Variants in MALRD1 observed in about 807,000 individuals in gnomAD.
MALRD1 encodes the protein MAM and LDL-receptor class A domain-containing protein 1.
In MALRD1, 247 loss-of-function variants were observed where a neutral mutation model predicts 242.1. That is an observed-to-expected ratio of 1.02 (90% CI 0.92 to 1.13). The LOEUF is 1.13. MALRD1 is among the 50% of genes most tolerant of loss of function. The probability of loss-of-function intolerance (pLI) is 0.00; values close to 1 mark genes in which losing one functional copy is unlikely to be tolerated. For missense variants in MALRD1, 2,989 were observed against 2,533.1 expected (o/e 1.18, Z -3.86); for synonymous variants, 995 against 866.6 (o/e 1.15, Z -2.60).
At chr10:19,113,818 C>CACACACACACACAG (rs766418681) in intron 5 of MALRD1, among the ~76,000 whole-genome samples, 4 of 147,394 alleles carry the variant, frequency 2.7e-5, no homozygotes, top group Admixed American at 6.8e-5. Context: ...CACACACACA[C>CACACACACACACAG]ACACACACAC....
rs1243242450 is a variant in MALRD1 at position 19,108,706 on chromosome 10, C to T, written c.694+4631C>T. Reference sequence around the variant, plus strand: ...TGCTGGGATTACAGGCGTGAGCCACCGCGCCCGGCCGTTTTTTCTAATTTT... The same window carrying T: ...TGCTGGGATTACAGGCGTGAGCCACTGCGCCCGGCCGTTTTTTCTAATTTT... On this transcript the variant is annotated intron_variant, in intron 5 of 39. Transcript: ENST00000454679. Among the ~76,000 whole-genome samples the T allele has an allele frequency of 7.5e-5, 2 of 26,718 alleles. 1 individual carries two copies. The highest frequency in any genetic ancestry group is 1.2e-4 in the Non-Finnish European group (2 of 16,326). 17.5% of individuals were successfully genotyped at this position (26,718 alleles called of 152,430 possible). A position where few individuals can be genotyped will look rare whatever the true frequency, so the allele number is the denominator to read the frequency against.
chr10:19,189,052 G>C (rs1835862172), intron 14 of MALRD1, among the ~76,000 whole-genome samples: 1 of 152,074 alleles, frequency 6.6e-6, no homozygotes, highest in Non-Finnish European at 1.5e-5. Context: ...GAAAGGGAGA[G>C]AGACAGAGAG....
chr10:19,455,369 G>A (rs1027548058), intron 29 of MALRD1, among the ~76,000 whole-genome samples: 1 of 152,082 alleles, frequency 6.6e-6, no homozygotes, highest in Admixed American at 6.5e-5. Flanking sequence ...TGATACTCAG[G>A]GAGCTTACTA....
At chr10:19,065,425 G>A (rs957905762) in intron 1 of MALRD1, among the ~76,000 whole-genome samples, 7 of 152,110 alleles carry the variant, frequency 4.6e-5, no homozygotes, top group Non-Finnish European at 7.3e-5. Flanking sequence ...GCACTAGTGG[G>A]AGTGTCTTAT....
intron 2 of MALRD1, among the ~76,000 whole-genome samples, chr10:19,086,979 G>C (rs554980147): frequency 6.6e-6 from 1 of 152,164 alleles, no homozygotes; most frequent in African/African-American, 2.4e-5. Flanking sequence ...AAAGAGAAAG[G>C]AATGTGCTTA....
chr10:19,094,662 T>A (rs1311209132), intron 4 of MALRD1, among the ~76,000 whole-genome samples: 1 of 152,208 alleles, frequency 6.6e-6, no homozygotes, highest in Non-Finnish European at 1.5e-5. Context: ...CAGACTTTTC[T>A]CATGCTTTTG....
At chr10:19,311,691 A>C (rs1445624789) in intron 21 of MALRD1, among the ~76,000 whole-genome samples, 1 of 151,514 alleles carries the variant, frequency 6.6e-6, no homozygotes, top group East Asian at 1.9e-4. Flanking sequence ...AAATGCAATG[A>C]TATAATTTTA....
intron 31 of MALRD1, among the ~76,000 whole-genome samples, chr10:19,500,591 A>C (rs937231128): frequency 2.6e-5 from 4 of 152,170 alleles, no homozygotes; most frequent in African/African-American, 9.7e-5. Flanking sequence ...ATATTTTAAA[A>C]CCTCCTAAAC....
intron 26 of MALRD1, among the ~76,000 whole-genome samples, chr10:19,372,533 A>G (rs947643377): frequency 6.6e-6 from 1 of 151,858 alleles, no homozygotes; most frequent in Non-Finnish European, 1.5e-5. Flanking sequence ...TAGTGGTGCA[A>G]TCTCGGCTCA....
chr10:19,316,432 G>C (rs1242289316), intron 21 of MALRD1, among the ~76,000 whole-genome samples: 1 of 151,850 alleles, frequency 6.6e-6, no homozygotes, highest in Non-Finnish European at 1.5e-5. Flanking sequence ...CCAAACTCTG[G>C]GGAGTCAGCC....
At chr10:19,366,734 A>G (rs1845127399) in intron 26 of MALRD1, among the ~76,000 whole-genome samples, 1 of 152,156 alleles carries the variant, frequency 6.6e-6, no homozygotes, top group Non-Finnish European at 1.5e-5. Flanking sequence ...GTGAAAATGT[A>G]TATACACATC....
intron 21 of MALRD1, among the ~76,000 whole-genome samples, chr10:19,294,801 T>C (rs575229706): frequency 6.6e-6 from 1 of 152,206 alleles, no homozygotes; most frequent in South Asian, 2.1e-4. Context: ...TTTTTCACTA[T>C]GGAAAGAAAA....
intron 32 of MALRD1, among the ~76,000 whole-genome samples, chr10:19,536,036 C>T (rs1318211379): frequency 2.6e-5 from 4 of 152,168 alleles, no homozygotes; most frequent in Non-Finnish European, 4.4e-5. Context: ...GAGTATGTCT[C>T]CTTGTCAGCG....
At chr10:19,461,131 A>G (rs565210325) in intron 29 of MALRD1, among the ~76,000 whole-genome samples, 1 of 152,294 alleles carries the variant, frequency 6.6e-6, no homozygotes, top group African/African-American at 2.4e-5. Context: ...AGATATTGAA[A>G]AATCAATGGG....
intron 26 of MALRD1, among the ~76,000 whole-genome samples, chr10:19,385,963 G>C (rs956806282): frequency 6.6e-6 from 1 of 151,912 alleles, no homozygotes; most frequent in Non-Finnish European, 1.5e-5. Flanking sequence ...AAAAAATTTT[G>C]TCATAGACAG....
At chr10:19,198,107 A>G (rs2131600449) in intron 14 of MALRD1, among the ~76,000 whole-genome samples, 1 of 152,250 alleles carries the variant, frequency 6.6e-6, no homozygotes, top group East Asian at 1.9e-4. Flanking sequence ...GCTCACTGCA[A>G]AGTGGTAGTA....
intron 20 of MALRD1, among the ~76,000 whole-genome samples, chr10:19,282,456 A>G (rs144494499): frequency 2.0e-4 from 31 of 152,314 alleles, no homozygotes; most frequent in African/African-American, 7.5e-4. Flanking sequence ...TAGACACATG[A>G]ACACATTCGG....
At chr10:19,116,169 GAAC>G (rs1384223832) in intron 5 of MALRD1, among the ~76,000 whole-genome samples, 2 of 152,010 alleles carry the variant, frequency 1.3e-5, no homozygotes, top group Non-Finnish European at 1.5e-5. Flanking sequence ...GATTAAATAA[GAAC>G]ATGTTTAATC....
chr10:19,204,284 T>TA, intron 15 of MALRD1, 24 bp from the exon 16 acceptor site: 1 of 1,243,466 alleles, frequency 8.0e-7, no homozygotes, highest in South Asian at 1.6e-5. Context: ...ATGAAGCGTT[T>TA]TTTTTTTTTT....
Sources: allele counts gnomAD v4.1 joint callset (sites outside exome capture counted in the v4.1 genomes callset), GRCh38; gene constraint gnomAD v4.1.1; transcripts MANE v1.5; gene names NCBI Gene and HGNC (gene_info 2026-07-23, HGNC 2026-07-21).